The following HOMER1 variants were observed in gnomAD, a reference collection of about 807,000 sequenced individuals.
HOMER1 encodes the protein homer protein homolog 1.
In HOMER1, 3 loss-of-function variants were observed where a neutral mutation model predicts 48.9. That is an observed-to-expected ratio of 0.06 (90% CI 0.03 to 0.16). HOMER1 has a LOEUF of 0.16. Among genes scored for constraint, HOMER1 ranks in the 10% least tolerant of loss-of-function variants. The probability of loss-of-function intolerance (pLI) is 1.00; values close to 1 mark genes in which losing one functional copy is unlikely to be tolerated. For synonymous variants in HOMER1, 134 were observed against 146.4 expected, an observed-to-expected ratio of 0.92 and a Z score of 0.61; for missense variants, 247 against 411.4, an observed-to-expected ratio of 0.60 and a Z score of 3.46.
At chr5:79,506,056 T>C (rs895243121) in intron 1 of HOMER1, among the ~76,000 whole-genome samples, 4 of 152,078 alleles carry the variant, frequency 2.6e-5, no homozygotes, top group Non-Finnish European at 4.4e-5. Context: ...AAAAATTAAA[T>C]TAATTCTAAA....
intron 1 of HOMER1, among the ~76,000 whole-genome samples, chr5:79,503,016 T>TCCG (rs374946602): frequency 1.6e-4 from 24 of 152,118 alleles, no homozygotes; most frequent in Non-Finnish European, 3.1e-4. Flanking sequence ...GGTCTTGATC[T>TCCG]GACCTCGTGA....
At chr5:79,431,100 G>A (rs746227387) in intron 5 of HOMER1, among the ~76,000 whole-genome samples, 42 of 152,166 alleles carry the variant, frequency 2.8e-4, no homozygotes, top group Non-Finnish European at 5.4e-4. Context: ...GGAAGCCAAG[G>A]TGGGCGGATC....
At chr5:79,400,200 G>T (rs1751102302) in intron 6 of HOMER1, among the ~76,000 whole-genome samples, 2 of 151,972 alleles carry the variant, frequency 1.3e-5, no homozygotes, top group South Asian at 2.1e-4. Flanking sequence ...CAGATCTCCA[G>T]AACTTTTTTA....
chr5:79,478,343 A>G (rs879745603), intron 1 of HOMER1, among the ~76,000 whole-genome samples: 7 of 152,204 alleles, frequency 4.6e-5, no homozygotes, highest in African/African-American at 7.2e-5. Context: ...AAATTGGCCA[A>G]TGAAAATTTT....
At chr5:79,376,621 C>T (rs2112180261) in intron 8 of HOMER1, among the ~76,000 whole-genome samples, 1 of 152,278 alleles carries the variant, frequency 6.6e-6, no homozygotes, top group South Asian at 2.1e-4. Context: ...TTTCTGTTTA[C>T]TGGCAACTCT....
intron 5 of HOMER1, among the ~76,000 whole-genome samples, chr5:79,426,210 G>A (rs1431858614): frequency 6.6e-6 from 1 of 151,976 alleles, no homozygotes; most frequent in Non-Finnish European, 1.5e-5. Context: ...GAAGAACTGT[G>A]GATGTTCCTT....
intron 1 of HOMER1, among the ~76,000 whole-genome samples, chr5:79,461,482 A>C (rs1751316924): frequency 1.3e-5 from 2 of 152,226 alleles, no homozygotes; most frequent in African/African-American, 4.8e-5. Context: ...TCCATGTTCA[A>C]ACAAGTTTCG....
chr5:79,440,014 T>A (rs7714858), intron 4 of HOMER1, among the ~76,000 whole-genome samples: 34,868 of 151,936 alleles, frequency 0.23, 4,641 homozygotes, highest in East Asian at 0.56. Flanking sequence ...AAGAGCAGCT[T>A]GGTGGACCTC....
intron 2 of HOMER1, among the ~76,000 whole-genome samples, chr5:79,451,753 T>A (rs1751035330): frequency 6.6e-6 from 1 of 151,734 alleles, no homozygotes; most frequent in Non-Finnish European, 1.5e-5. Context: ...TTTTTTTTAG[T>A]AGAGACGGGG....
In HOMER1 at chr5:79,376,075, C is replaced by T. The variant is rs2112179397; in HGVS notation, c.999G>A (p.Leu333=). Residue 333 remains leucine, a synonymous_variant, in exon 9 of 9, where the codon CTG becomes CTA. Coordinates refer to ENST00000334082, the MANE Select transcript of HOMER1 (RefSeq NM_004272.5). ...RNNLKTLLEI[L]DGKIFELTEL... ...CTGTTAGTTCAAATATCTTTCCATC[C>T]AGAATTTCTAAGAGTGTCTTCAGGT... The T allele has an allele frequency of 6.2e-7, 1 of 1,613,388 alleles. No homozygotes were observed. Among genetic ancestry groups the T allele is most frequent in the South Asian group, 1.1e-5 (1 of 90,962 alleles).
chr5:79,427,631 CTTCCTTCCT>C (rs1347002634), intron 5 of HOMER1, among the ~76,000 whole-genome samples: 1 of 151,568 alleles, frequency 6.6e-6, no homozygotes, highest in Non-Finnish European at 1.5e-5. Context: ...CCTTCCTTTC[CTTCCTTCCT>C]TTCCTTCCTA....
At chr5:79,376,676 T>C (rs922467979) in intron 8 of HOMER1, among the ~76,000 whole-genome samples, 1 of 152,226 alleles carries the variant, frequency 6.6e-6, no homozygotes, top group African/African-American at 2.4e-5. Context: ...AATGTGATTT[T>C]AGGATCCTCT....
chr5:79,436,065 G>A (rs1750573148), intron 5 of HOMER1, among the ~76,000 whole-genome samples: 1 of 151,220 alleles, frequency 6.6e-6, no homozygotes, highest in African/African-American at 2.4e-5. Context: ...AGCGGAGCTT[G>A]CAGTGAGCCG....
At chr5:79,512,424 C>CT (rs1197243755) in intron 1 of HOMER1, among the ~76,000 whole-genome samples, 1 of 152,228 alleles carries the variant, frequency 6.6e-6, no homozygotes, top group Non-Finnish European at 1.5e-5. Context: ...CAGTACTTCT[C>CT]TTTGAAAGAT....
chr5:79,499,704 C>T (rs1752523144), intron 1 of HOMER1, among the ~76,000 whole-genome samples: 1 of 152,102 alleles, frequency 6.6e-6, no homozygotes, highest in African/African-American at 2.4e-5. Flanking sequence ...CCATACATGG[C>T]ACATCTAGAA....
At chr5:79,428,171 C>T (rs1298863872) in intron 5 of HOMER1, among the ~76,000 whole-genome samples, 1 of 152,056 alleles carries the variant, frequency 6.6e-6, no homozygotes, top group Non-Finnish European at 1.5e-5. Context: ...CTCTATTTGT[C>T]AATGAATAAA....
At chr5:79,502,005 G>C (rs1220415122) in intron 1 of HOMER1, among the ~76,000 whole-genome samples, 2 of 148,598 alleles carry the variant, frequency 1.3e-5, no homozygotes, top group Non-Finnish European at 3.0e-5. Flanking sequence ...TGTAAGAACA[G>C]TAACAGGTCC....
At chr5:79,381,658 G>A (rs1466884958) in intron 8 of HOMER1, among the ~76,000 whole-genome samples, 3 of 152,190 alleles carry the variant, frequency 2.0e-5, no homozygotes, top group Admixed American at 2.0e-4. Context: ...GCTCAGGCAG[G>A]CAGATTGCTT....
At chr5:79,470,112 A>C (rs1365253483) in intron 1 of HOMER1, among the ~76,000 whole-genome samples, 1 of 152,148 alleles carries the variant, frequency 6.6e-6, no homozygotes, top group Non-Finnish European at 1.5e-5. Flanking sequence ...ATTTTATTAG[A>C]GGTAGAGGGA....
Sources: allele counts gnomAD v4.1 joint callset (sites outside exome capture counted in the v4.1 genomes callset), GRCh38; gene constraint gnomAD v4.1.1; transcripts MANE v1.5; gene names NCBI Gene and HGNC (gene_info 2026-07-23, HGNC 2026-07-21).